HPSE2: variants seen among roughly 807,000 people sequenced by gnomAD.
The protein encoded by HPSE2 is inactive heparanase-2.
A neutral mutation model predicts 60.5 loss-of-function variants in HPSE2; 38 were observed. The ratio of observed to expected loss-of-function variants is 0.63; its 90% CI spans 0.48 to 0.82. The LOEUF (loss-of-function observed/expected upper bound fraction) is 0.82, where lower values mean the gene tolerates loss of function less well. HPSE2 is among the 40% of genes least tolerant of loss of function. HPSE2 has a pLI of 0.00. For synonymous variants in HPSE2, 295 were observed against 293.2 expected, an observed-to-expected ratio of 1.01 and a Z score of -0.06; for missense variants, 713 against 740.4, an observed-to-expected ratio of 0.96 and a Z score of 0.43.
At chr10:99,259,160 AC>A in the HPSE2 span, among the ~76,000 whole-genome samples, 1 of 152,018 alleles carries the variant, frequency 6.6e-6, no homozygotes, top group Non-Finnish European at 1.5e-5. Context: ...GCAAAAATTA[AC>A]CAGGCATGAT....
At chr10:99,139,032 A>AC (rs1845767452) in intron 3 of HPSE2, among the ~76,000 whole-genome samples, 1 of 152,146 alleles carries the variant, frequency 6.6e-6, no homozygotes, top group Non-Finnish European at 1.5e-5. Flanking sequence ...ATTTGGAACC[A>AC]CCCTAAGGGC....
chr10:99,015,165 A>G (rs1395706424), intron 3 of HPSE2, among the ~76,000 whole-genome samples: 1 of 151,750 alleles, frequency 6.6e-6, no homozygotes, highest in African/African-American at 2.4e-5. Context: ...AAGTCAGGAA[A>G]CAACAGGTGC....
At chr10:98,468,033 C>T (rs2133597527) in intron 11 of HPSE2, among the ~76,000 whole-genome samples, 1 of 152,356 alleles carries the variant, frequency 6.6e-6, no homozygotes, top group African/African-American at 2.4e-5. Flanking sequence ...GTCGGCCCCG[C>T]ACCTGTTTGT....
At chr10:99,116,701 G>A (rs879705866) in intron 3 of HPSE2, among the ~76,000 whole-genome samples, 11 of 152,116 alleles carry the variant, frequency 7.2e-5, no homozygotes, top group African/African-American at 2.2e-4. Flanking sequence ...TGTGAGACAC[G>A]GAGAACAAAA....
At chr10:99,195,391 G>C (rs1848360503) in intron 2 of HPSE2, among the ~76,000 whole-genome samples, 1 of 150,878 alleles carries the variant, frequency 6.6e-6, no homozygotes, top group Non-Finnish European at 1.5e-5. Context: ...AAAACAAAGG[G>C]CCTCAAAATT....
intron 3 of HPSE2, among the ~76,000 whole-genome samples, chr10:99,101,520 A>C (rs1843986092): frequency 6.6e-6 from 1 of 152,176 alleles, no homozygotes; most frequent in Non-Finnish European, 1.5e-5. Flanking sequence ...AGAGACTTAG[A>C]CTCCCACACA....
At chr10:98,772,482 C>T (rs186273971) in intron 3 of HPSE2, among the ~76,000 whole-genome samples, 1 of 152,224 alleles carries the variant, frequency 6.6e-6, no homozygotes, top group African/African-American at 2.4e-5. Flanking sequence ...TTATAATTCT[C>T]CTTCCTCAAA....
the HPSE2 span, among the ~76,000 whole-genome samples, chr10:99,250,941 C>T: frequency 6.6e-6 from 1 of 151,886 alleles, no homozygotes. Context: ...GACATTCCAC[C>T]TAAAGGAACT....
chr10:98,778,968 A>T (rs1394610388), intron 3 of HPSE2, among the ~76,000 whole-genome samples: 1 of 152,226 alleles, frequency 6.6e-6, no homozygotes, highest in East Asian at 1.9e-4. Flanking sequence ...GACTTCACTG[A>T]TGATATAAAA....
chr10:98,618,344 G>T (rs532359462), intron 8 of HPSE2, among the ~76,000 whole-genome samples: 6 of 152,256 alleles, frequency 3.9e-5, no homozygotes, highest in African/African-American at 1.2e-4. Flanking sequence ...CTCCATGAAG[G>T]TCTGCAGTAT....
intron 3 of HPSE2, among the ~76,000 whole-genome samples, chr10:98,972,440 G>T (rs1211320861): frequency 6.6e-6 from 1 of 151,728 alleles, no homozygotes; most frequent in African/African-American, 2.4e-5. Flanking sequence ...TTGAAATTTT[G>T]TTGAGAAGAC....
chr10:98,889,578 T>C (rs562692432), intron 3 of HPSE2, among the ~76,000 whole-genome samples: 1 of 152,204 alleles, frequency 6.6e-6, no homozygotes, highest in East Asian at 1.9e-4. Context: ...AAAGACCAAA[T>C]GAGAGCAAGA....
At chr10:98,837,787 T>C (rs1179736232) in intron 3 of HPSE2, among the ~76,000 whole-genome samples, 1 of 151,354 alleles carries the variant, frequency 6.6e-6, no homozygotes, top group Non-Finnish European at 1.5e-5. Context: ...GGCAGCAGAA[T>C]GGCGTGAACC....
chr10:99,125,879 G>A (rs1197447247), intron 3 of HPSE2, among the ~76,000 whole-genome samples: 1 of 152,166 alleles, frequency 6.6e-6, no homozygotes, highest in Non-Finnish European at 1.5e-5. Context: ...CCCTAGAGAA[G>A]GCAGCAAGTA....
intron 2 of HPSE2, among the ~76,000 whole-genome samples, chr10:99,231,514 CCTT>C (rs1849644159): frequency 6.6e-6 from 1 of 152,132 alleles, no homozygotes; most frequent in Non-Finnish European, 1.5e-5. Flanking sequence ...TAACACCTAA[CCTT>C]CTAAACAAAA....
chr10:98,473,415 G>A (rs1237752874), intron 11 of HPSE2, among the ~76,000 whole-genome samples: 1 of 151,066 alleles, frequency 6.6e-6, no homozygotes, highest in Non-Finnish European at 1.5e-5. Context: ...AACCAGGGAG[G>A]TGGAGGTTGC....
intron 2 of HPSE2, among the ~76,000 whole-genome samples, chr10:99,158,063 A>T (rs995185362): frequency 7.0e-6 from 1 of 143,590 alleles, no homozygotes; most frequent in Non-Finnish European, 1.5e-5. Flanking sequence ...ATACCATCTC[A>T]CACCAGTTAG....
At chr10:98,985,755 T>C (rs1419744629) in intron 3 of HPSE2, among the ~76,000 whole-genome samples, 1 of 152,140 alleles carries the variant, frequency 6.6e-6, no homozygotes, top group Admixed American at 6.5e-5. Context: ...CCATCTCATA[T>C]GCAGAGACAC....
chr10:98,635,984 C>T (rs1476896208), intron 7 of HPSE2, among the ~76,000 whole-genome samples: 3 of 151,852 alleles, frequency 2.0e-5, no homozygotes, highest in African/African-American at 4.8e-5. Context: ...GAAATTTGAT[C>T]GCATAAAAGT....
Sources: gnomAD v4.1 joint callset for allele counts (sites outside exome capture counted in the v4.1 genomes callset) on GRCh38, gnomAD v4.1.1 for gene constraint, MANE v1.5 for transcripts, NCBI Gene and HGNC (gene_info 2026-07-23, HGNC 2026-07-21) for gene names.